PRXL2C: variants seen among roughly 807,000 people sequenced by gnomAD.
PRXL2C encodes the protein peroxiredoxin like 2C, also known as peroxiredoxin-like 2C.
A neutral mutation model predicts 24.9 loss-of-function variants in PRXL2C; 38 were observed. The ratio of observed to expected loss-of-function variants is 1.53; its 90% CI spans 1.18 to 2.00. The LOEUF (loss-of-function observed/expected upper bound fraction) is 2.00. PRXL2C is among the 30% of genes most tolerant of loss of function. The pLI is 0.00. For synonymous variants in PRXL2C, 98 were observed against 117.2 expected, an observed-to-expected ratio of 0.84 and a Z score of 1.06; for missense variants, 294 against 290.9, an observed-to-expected ratio of 1.01 and a Z score of -0.08.
intron 4 of PRXL2C, among the ~76,000 whole-genome samples, chr9:96,647,005 G>C (rs925047828): frequency 6.6e-5 from 10 of 152,134 alleles, no homozygotes; most frequent in Non-Finnish European, 1.5e-5. Context: ...GGTCAGGCTG[G>C]TCTCAAACTC....
At chr9:96,643,520 A>G (rs1848147891) in intron 5 of PRXL2C, among the ~76,000 whole-genome samples, 1 of 152,006 alleles carries the variant, frequency 6.6e-6, no homozygotes, top group Non-Finnish European at 1.5e-5. Flanking sequence ...TGTTGGGATT[A>G]CAGGTGTGAG....
intron 5 of PRXL2C, 76 bp from the exon 6 acceptor site, chr9:96,641,962 C>A: frequency 7.8e-7 from 1 of 1,280,414 alleles, no homozygotes; most frequent in East Asian, 2.7e-5. Flanking sequence ...ATCAAGGAAG[C>A]TTTTCAACCT....
chr9:96,646,158 G>T, intron 4 of PRXL2C, 134 bp from the exon 5 acceptor site: 2 of 1,047,856 alleles, frequency 1.9e-6, no homozygotes, highest in Non-Finnish European at 2.7e-6. Flanking sequence ...CAACATTTTG[G>T]CTCAGATCAT....
At chr9:96,651,813 A>G (rs1436889995) in intron 2 of PRXL2C, 101 bp from the exon 3 acceptor site, 10 of 986,686 alleles carry the variant, frequency 1.0e-5, no homozygotes, top group Non-Finnish European at 1.5e-5. Context: ...AATGCCACCT[A>G]TAGGCTTCTA....
chr9:96,651,355 C>T (rs1564409967), intron 4 of PRXL2C, 35 bp downstream of exon 4: 1 of 1,401,192 alleles, frequency 7.1e-7, no homozygotes, highest in Non-Finnish European at 1.0e-6. Context: ...ACATACACCA[C>T]CAGTGTTTTC....
At chr9:96,650,528 C>T (rs1848252718) in intron 4 of PRXL2C, among the ~76,000 whole-genome samples, 1 of 151,984 alleles carries the variant, frequency 6.6e-6, no homozygotes, top group South Asian at 2.1e-4. Flanking sequence ...TAATAAAGTG[C>T]AGGGTGCTGT....
At chr9:96,653,441 C>A (rs938386217) in intron 2 of PRXL2C, among the ~76,000 whole-genome samples, 3 of 152,030 alleles carry the variant, frequency 2.0e-5, no homozygotes, top group Non-Finnish European at 2.9e-5. Context: ...ACTGGTTACT[C>A]AGGGATAAGG....
chr9:96,641,750 C>T lies in PRXL2C; in HGVS notation c.*9G>A. Reference sequence around the variant, plus strand: ...AGGTCCAGTTGAAAGTGACTGAGTGCATTTTAAGTCACACATGGATAACTG... The same window carrying T: ...AGGTCCAGTTGAAAGTGACTGAGTGTATTTTAAGTCACACATGGATAACTG... On this transcript the variant is annotated 3_prime_UTR_variant, in exon 6 of 6. Coordinates refer to ENST00000375234, the MANE Select transcript of PRXL2C (RefSeq NM_153698.2). 1.3e-6 allele frequency: 2 copies of T among 1,554,630 alleles called. No individual in the cohort carries two copies. The highest frequency in any genetic ancestry group is 2.4e-5 in the South Asian group (2 of 84,110).
chr9:96,644,968 G>A (rs1236380875), intron 5 of PRXL2C, among the ~76,000 whole-genome samples: 1 of 133,890 alleles, frequency 7.5e-6, no homozygotes, highest in Non-Finnish European at 1.6e-5. Context: ...GTTCAGTGGT[G>A]CGATCTCGGC....
chr9:96,642,657 T>C (rs1429026137), intron 5 of PRXL2C, among the ~76,000 whole-genome samples: 1 of 152,014 alleles, frequency 6.6e-6, no homozygotes, highest in Non-Finnish European at 1.5e-5. Flanking sequence ...GCGATTCTCT[T>C]GCCTCAGCCT....
At chr9:96,654,608 C>G (rs1031475975) in intron 2 of PRXL2C, 97 bp downstream of exon 2, 3 of 1,133,722 alleles carry the variant, frequency 2.6e-6, no homozygotes, top group East Asian at 5.2e-5. Flanking sequence ...GAGGGGCAAT[C>G]CAGGCTGCAA....
intron 5 of PRXL2C, among the ~76,000 whole-genome samples, chr9:96,645,614 G>A (rs1212914236): frequency 2.0e-5 from 3 of 151,714 alleles, no homozygotes; most frequent in Non-Finnish European, 2.9e-5. Context: ...TGGCTAACAC[G>A]GTGAAACCCC....
At chr9:96,645,138 T>C (rs967631120) in intron 5 of PRXL2C, among the ~76,000 whole-genome samples, 4 of 151,454 alleles carry the variant, frequency 2.6e-5, no homozygotes, top group Non-Finnish European at 4.4e-5. Context: ...CTTGATCTCC[T>C]GACCTCGTGA....
chr9:96,648,793 G>A (rs1185690358), intron 4 of PRXL2C, among the ~76,000 whole-genome samples: 2 of 151,282 alleles, frequency 1.3e-5, no homozygotes, highest in Non-Finnish European at 2.9e-5. Context: ...TTTTTTTTGA[G>A]ACAGAGTTTC....
At chr9:96,644,978 C>T (rs1588100544) in intron 5 of PRXL2C, among the ~76,000 whole-genome samples, 2 of 135,270 alleles carry the variant, frequency 1.5e-5, no homozygotes, top group Admixed American at 8.6e-5. Context: ...GCGATCTCGG[C>T]GCACTGCAAG....
chr9:96,647,756 G>A (rs1848215643), intron 4 of PRXL2C, among the ~76,000 whole-genome samples: 1 of 151,790 alleles, frequency 6.6e-6, no homozygotes, highest in Non-Finnish European at 1.5e-5. Flanking sequence ...TCAAATTCCT[G>A]GCCTCAAGTG....
intron 4 of PRXL2C, among the ~76,000 whole-genome samples, chr9:96,650,735 A>T (rs1848254551): frequency 6.6e-6 from 1 of 152,208 alleles, no homozygotes; most frequent in Non-Finnish European, 1.5e-5. Context: ...CTTGTAAAAA[A>T]TACAAAAGCC....
At chr9:96,649,052 C>T (rs148748802) in intron 4 of PRXL2C, among the ~76,000 whole-genome samples, 4,605 of 151,930 alleles carry the variant, frequency 0.03, 174 homozygotes, top group South Asian at 0.21. Context: ...GGATTACAGG[C>T]GTGAGCCACC....
intron 5 of PRXL2C, 141 bp from the exon 6 acceptor site, chr9:96,642,027 T>C (rs1848124141): frequency 1.8e-6 from 1 of 543,078 alleles, no homozygotes; most frequent in African/African-American, 2.0e-5. Flanking sequence ...ATTCTCTATA[T>C]AATGCCATAA....
Sources: allele counts gnomAD v4.1 joint callset (sites outside exome capture counted in the v4.1 genomes callset), GRCh38; gene constraint gnomAD v4.1.1; transcripts MANE v1.5; gene names NCBI Gene and HGNC (gene_info 2026-07-23, HGNC 2026-07-21).